The following CNTNAP2 variants were observed in gnomAD, a reference collection of about 807,000 sequenced individuals.
The protein encoded by CNTNAP2 is contactin-associated protein-like 2.
CNTNAP2 carries 98 observed loss-of-function variants against 155.2 expected under a neutral mutation model. The ratio of observed to expected loss-of-function variants is 0.63; its 90% CI spans 0.54 to 0.75. CNTNAP2 has a LOEUF of 0.75. Ranked by LOEUF, CNTNAP2 falls within the 30% of genes least tolerant of loss-of-function variation. The pLI, the probability that CNTNAP2 is intolerant of heterozygous loss-of-function variation, is 0.00. For synonymous variants in CNTNAP2, 651 were observed against 631.2 expected, an observed-to-expected ratio of 1.03 and a Z score of -0.47; for missense variants, 1,727 against 1,688.1, an observed-to-expected ratio of 1.02 and a Z score of -0.40.
chr7:146,261,886 A>G (rs1047165471), intron 1 of CNTNAP2, among the ~76,000 whole-genome samples: 8 of 152,202 alleles, frequency 5.3e-5, no homozygotes, highest in Admixed American at 3.9e-4. Context: ...CATTGAAACC[A>G]ATGATTCTAT....
intron 1 of CNTNAP2, among the ~76,000 whole-genome samples, chr7:146,544,595 C>G (rs558184560): frequency 4.6e-5 from 7 of 151,950 alleles, no homozygotes; most frequent in Admixed American, 1.3e-4. Flanking sequence ...ATCCTCACCC[C>G]CATGAGGAAA....
chr7:147,081,254 A>G lies in CNTNAP2; in HGVS notation c.551-26893A>G, dbSNP rs1011689615. The G allele has an allele frequency of 2.0e-5, 3 of 152,088 alleles. No individual in the cohort carries two copies. The East Asian group carries it at 5.8e-4, about 29-fold the overall frequency. 9.4% of individuals were successfully genotyped at this position (152,088 alleles called of 1,614,324 possible). On this transcript the variant is annotated intron_variant, in intron 4 of 23. Transcript: ENST00000361727. ...AACGAGTGGACAGTGGGATGCCTCT[A>G]TCCAGCAACACAGGCCACTGTCTCA... is the stretch of plus-strand genomic sequence containing the variant.
intron 9 of CNTNAP2, among the ~76,000 whole-genome samples, chr7:147,363,155 C>G (rs943330111): frequency 1.3e-5 from 2 of 152,082 alleles, no homozygotes; most frequent in Admixed American, 1.3e-4. Flanking sequence ...CAGATGATAT[C>G]ATGAGAGTGT....
intron 13 of CNTNAP2, among the ~76,000 whole-genome samples, chr7:147,837,901 C>T (rs532949844): frequency 6.6e-6 from 1 of 152,312 alleles, no homozygotes; most frequent in African/African-American, 2.4e-5. Context: ...TGACTGCTTT[C>T]ATGGGCTGGC....
chr7:148,328,236 G>C (rs1271254992), intron 21 of CNTNAP2, among the ~76,000 whole-genome samples: 1 of 152,180 alleles, frequency 6.6e-6, no homozygotes, highest in African/African-American at 2.4e-5. Context: ...AGAGGGGAAG[G>C]CTGGGGTGTG....
intron 3 of CNTNAP2, among the ~76,000 whole-genome samples, chr7:147,018,795 CAA>C (rs1798770260): frequency 6.6e-6 from 1 of 151,896 alleles, no homozygotes. Context: ...GTTGATAAGC[CAA>C]AGACAGGATA....
chr7:146,693,708 A>T (rs1183270708), intron 1 of CNTNAP2, among the ~76,000 whole-genome samples: 1 of 152,144 alleles, frequency 6.6e-6, no homozygotes, highest in African/African-American at 2.4e-5. Context: ...ATATTTTAAG[A>T]TTGAAAAGCA....
chr7:147,610,466 T>C (rs1427657910), intron 12 of CNTNAP2, among the ~76,000 whole-genome samples: 1 of 152,186 alleles, frequency 6.6e-6, no homozygotes, highest in Non-Finnish European at 1.5e-5. Context: ...CTGCATTTGC[T>C]GTTCTCCAGG....
At chr7:146,543,292 T>C (rs1797980675) in intron 1 of CNTNAP2, among the ~76,000 whole-genome samples, 1 of 151,936 alleles carries the variant, frequency 6.6e-6, no homozygotes, top group Non-Finnish European at 1.5e-5. Context: ...TAAAACATTT[T>C]TTAAATTACA....
At chr7:148,172,168 T>C (rs1805805039) in intron 17 of CNTNAP2, 74 bp from the exon 18 acceptor site, 2 of 1,426,000 alleles carry the variant, frequency 1.4e-6, no homozygotes, top group African/African-American at 2.8e-5. Context: ...CCTACCACAG[T>C]TGTTCAAAAT....
chr7:146,633,832 G>GAAAAAAAAAAAAAAAAAAAAAAAA (rs60993956), intron 1 of CNTNAP2, among the ~76,000 whole-genome samples: 3 of 79,048 alleles, frequency 3.8e-5, no homozygotes, highest in African/African-American at 1.8e-4. Flanking sequence ...TGCATCTAGA[G>GAAAAAAAAAAAAAAAAAAAAAAAA]AAAAAAAAAA....
chr7:147,784,970 A>T (rs562822002), intron 13 of CNTNAP2, among the ~76,000 whole-genome samples: 2 of 152,242 alleles, frequency 1.3e-5, no homozygotes, highest in African/African-American at 2.4e-5. Context: ...CACAATGCCA[A>T]GAGAGAAAAC....
chr7:146,274,712 T>G (rs1314201940), intron 1 of CNTNAP2, among the ~76,000 whole-genome samples: 6 of 152,052 alleles, frequency 3.9e-5, no homozygotes, highest in Non-Finnish European at 8.8e-5. Context: ...GAGGGAGAAA[T>G]GGGCAGTGCA....
intron 10 of CNTNAP2, among the ~76,000 whole-genome samples, chr7:147,410,418 C>T (rs910029267): frequency 8.6e-5 from 13 of 152,042 alleles, no homozygotes; most frequent in African/African-American, 3.1e-4. Context: ...GGGAGAGGAT[C>T]AGGAAAAATA....
chr7:148,396,310 G>T (rs75139739), intron 22 of CNTNAP2, among the ~76,000 whole-genome samples: 1 of 152,168 alleles, frequency 6.6e-6, no homozygotes, highest in African/African-American at 2.4e-5. Flanking sequence ...TACCCCCAGC[G>T]ATCCCCCATT....
chr7:147,134,452 A>G (rs759849266), intron 8 of CNTNAP2, among the ~76,000 whole-genome samples: 2 of 151,956 alleles, frequency 1.3e-5, no homozygotes, highest in Non-Finnish European at 1.5e-5. Context: ...TTTCCGTAGT[A>G]TTACCCTTCT....
chr7:147,775,362 T>A (rs1797563565), intron 13 of CNTNAP2, among the ~76,000 whole-genome samples: 1 of 50,452 alleles, frequency 2.0e-5, no homozygotes, highest in Non-Finnish European at 3.1e-5. Context: ...TATATATTTA[T>A]AAATATATAT....
chr7:146,325,810 A>C (rs1161319771), intron 1 of CNTNAP2, among the ~76,000 whole-genome samples: 1 of 152,296 alleles, frequency 6.6e-6, no homozygotes, highest in Non-Finnish European at 1.5e-5. Flanking sequence ...TCAACAAGAC[A>C]CATCATGTGC....
chr7:147,432,300 G>C (rs1797478975), intron 10 of CNTNAP2, among the ~76,000 whole-genome samples: 2 of 152,116 alleles, frequency 1.3e-5, no homozygotes, highest in Non-Finnish European at 2.9e-5. Flanking sequence ...ATTGTGTCCA[G>C]ACATTGCCAA....
Sources: allele counts gnomAD v4.1 joint callset (sites outside exome capture counted in the v4.1 genomes callset), GRCh38; gene constraint gnomAD v4.1.1; transcripts MANE v1.5; gene names NCBI Gene and HGNC (gene_info 2026-07-23, HGNC 2026-07-21).